Variants in ADGRL3 observed in about 807,000 individuals in gnomAD.
ADGRL3 encodes adhesion G protein-coupled receptor L3, also known as calcium-independent alpha-latrotoxin receptor 3.
A neutral mutation model predicts 153.5 loss-of-function variants in ADGRL3; 62 were observed. The observed-to-expected ratio is 0.40, with a 90% CI of 0.33 to 0.50. The LOEUF is 0.50. ADGRL3 is among the 20% of genes least tolerant of loss of function. ADGRL3 has a pLI of 0.47. For missense variants in ADGRL3, 1,641 were observed against 1,859.4 expected (o/e 0.88, Z 2.16); for synonymous variants, 710 against 672.5 (o/e 1.06, Z -0.86).
chr4:61,635,251 G>T (rs181385182), intron 5 of ADGRL3, among the ~76,000 whole-genome samples: 1 of 152,262 alleles, frequency 6.6e-6, no homozygotes, highest in African/African-American at 2.4e-5. Context: ...CACTTGCAGA[G>T]TGCTAAAGCC....
chr4:61,666,830 C>A (rs1331913017), intron 5 of ADGRL3, among the ~76,000 whole-genome samples: 1 of 152,056 alleles, frequency 6.6e-6, no homozygotes, highest in Non-Finnish European at 1.5e-5. Context: ...GAATATTCAG[C>A]AATAAAATGC....
chr4:61,729,247 C>T (rs960816797), intron 6 of ADGRL3, among the ~76,000 whole-genome samples: 8 of 151,814 alleles, frequency 5.3e-5, no homozygotes, highest in African/African-American at 1.4e-4. Context: ...TATTAATTAG[C>T]GAGATGAAGG....
intron 8 of ADGRL3, among the ~76,000 whole-genome samples, chr4:61,741,760 A>C (rs201791394): frequency 6.6e-6 from 1 of 152,248 alleles, no homozygotes; most frequent in African/African-American, 2.4e-5. Context: ...AGCTGAACCT[A>C]GTGTTTGTTA....
In ADGRL3 at chr4:62,070,832, T is replaced by G; in HGVS notation, c.4556T>G (p.Ile1519Arg). The G allele has an allele frequency of 6.4e-7, 1 of 1,551,718 alleles. No homozygotes were observed. The highest frequency in any genetic ancestry group is 8.7e-7 in the Non-Finnish European group (1 of 1,146,968). ...GGTCGCGGCAGCAGTGATGGATTTA[T>G]AGTTCCTCCAAACAAAGATGGGACC... is the stretch of plus-strand genomic sequence containing the variant. ...QLGRGSSDGF[I>R]VPPNKDGTPP... The change falls in exon 27 of 27, where the codon ATA becomes AGA. Residue 1519 changes from isoleucine (I) to arginine (R), a missense_variant. This residue lies in a region of ADGRL3 where 517 missense variants were observed against 555.0 expected (regional missense o/e 0.93). Coordinates refer to ENST00000683033, the MANE Select transcript of ADGRL3 (RefSeq NM_001387552.1).
chr4:62,062,772 C>T (rs553947091), intron 25 of ADGRL3, among the ~76,000 whole-genome samples: 18 of 151,858 alleles, frequency 1.2e-4, no homozygotes, highest in African/African-American at 3.6e-4. Flanking sequence ...AAATGGAAAA[C>T]GGAAAATGGA....
intron 9 of ADGRL3, among the ~76,000 whole-genome samples, chr4:61,826,637 G>C (rs1487021248): frequency 6.6e-6 from 1 of 152,054 alleles, no homozygotes; most frequent in African/African-American, 2.4e-5. Context: ...TAACTCTGAA[G>C]GGTTTTTACA....
At chr4:61,477,608 G>A (rs1006758915) in intron 2 of ADGRL3, among the ~76,000 whole-genome samples, 16 of 152,082 alleles carry the variant, frequency 1.1e-4, no homozygotes, top group Non-Finnish European at 1.9e-4. Flanking sequence ...TGGCTAATGT[G>A]GCCCAACAAT....
chr4:61,746,897 C>T (rs892860057), intron 8 of ADGRL3, among the ~76,000 whole-genome samples: 2 of 151,850 alleles, frequency 1.3e-5, no homozygotes, highest in African/African-American at 4.8e-5. Context: ...AAAAACCCTT[C>T]AAAAAATTAA....
intron 6 of ADGRL3, among the ~76,000 whole-genome samples, chr4:61,678,649 G>A (rs1042631232): frequency 4.6e-5 from 7 of 151,896 alleles, no homozygotes; most frequent in African/African-American, 1.7e-4. Flanking sequence ...TACATTTAGA[G>A]AGTTCTGATA....
chr4:61,401,860 T>C (rs940717006), intron 2 of ADGRL3, among the ~76,000 whole-genome samples: 7 of 152,030 alleles, frequency 4.6e-5, no homozygotes, highest in African/African-American at 1.7e-4. Context: ...GCTTTGAAGA[T>C]CAAACATCAT....
rs1735033427 is a variant in ADGRL3, at chr4:61,202,225, G to A, written c.-240+460G>A. ...CGGGAGCGGGCTGGAGGACGGACAGGGTCTGGGTGAGAAGCTGGGCTCTGG... is the reference window on the plus strand; with the variant it reads ...CGGGAGCGGGCTGGAGGACGGACAGAGTCTGGGTGAGAAGCTGGGCTCTGG... On this transcript the variant is annotated intron_variant, in intron 1 of 26. Coordinates refer to ENST00000683033, the MANE Select transcript of ADGRL3 (RefSeq NM_001387552.1). This position sits in a 1 kb window ranked among gnomAD's most constrained non-coding sequence, Gnocchi z 5.0. The A allele has an allele frequency of 6.5e-6, 1 of 153,022 alleles. No individual in the cohort carries two copies. Among genetic ancestry groups the A allele is most frequent in the Admixed American group, 6.5e-5 (1 of 15,284 alleles). 9.5% of individuals were successfully genotyped at this position (153,022 alleles called of 1,614,324 possible).
At chr4:61,297,865 C>G (rs769644353) in intron 1 of ADGRL3, among the ~76,000 whole-genome samples, 5 of 152,128 alleles carry the variant, frequency 3.3e-5, no homozygotes, top group Non-Finnish European at 4.4e-5. Context: ...ACCACTGCCA[C>G]TGCTACTACT....
At chr4:61,244,576 A>C (rs997424007) in intron 1 of ADGRL3, among the ~76,000 whole-genome samples, 1 of 151,946 alleles carries the variant, frequency 6.6e-6, no homozygotes, top group East Asian at 1.9e-4. Flanking sequence ...TGCAATGATA[A>C]ACTCATAAAA....
intron 6 of ADGRL3, among the ~76,000 whole-genome samples, chr4:61,712,062 G>C (rs1561106446): frequency 6.6e-6 from 1 of 152,100 alleles, no homozygotes. Context: ...TCCATACTCA[G>C]TTACATTCGC....
intron 8 of ADGRL3, among the ~76,000 whole-genome samples, chr4:61,808,415 C>T (rs1465645375): frequency 6.6e-6 from 1 of 152,066 alleles, no homozygotes; most frequent in Admixed American, 6.6e-5. Context: ...CTTTATGTTT[C>T]GGATAAGTCA....
At chr4:61,806,775 C>T (rs2097557442) in intron 8 of ADGRL3, among the ~76,000 whole-genome samples, 1 of 151,964 alleles carries the variant, frequency 6.6e-6, no homozygotes, top group African/African-American at 2.4e-5. Flanking sequence ...AATAAAATGT[C>T]ACAGAAAATG....
intron 1 of ADGRL3, among the ~76,000 whole-genome samples, chr4:61,362,363 T>C (rs1018212816): frequency 6.6e-5 from 10 of 151,348 alleles, no homozygotes; most frequent in African/African-American, 2.4e-4. Flanking sequence ...CACACATATA[T>C]ACACTTGACC....
chr4:61,727,284 G>A (rs1304846170), intron 6 of ADGRL3, among the ~76,000 whole-genome samples: 1 of 151,920 alleles, frequency 6.6e-6, no homozygotes, highest in East Asian at 1.9e-4. Flanking sequence ...CTAACCACAG[G>A]ATATAGCTTA....
intron 2 of ADGRL3, among the ~76,000 whole-genome samples, chr4:61,426,378 C>T (rs892425572): frequency 1.3e-5 from 2 of 152,136 alleles, no homozygotes; most frequent in Non-Finnish European, 1.5e-5. Context: ...TAGGCTGGAC[C>T]GCAACAGCAG....
Sources: gnomAD v4.1 joint callset for allele counts (sites outside exome capture counted in the v4.1 genomes callset) on GRCh38, gnomAD v4.1.1 for gene constraint, gnomAD v4.1.1 regional missense constraint, Gnocchi (gnomAD v3.1) non-coding constraint, MANE v1.5 for transcripts, NCBI Gene and HGNC (gene_info 2026-07-23, HGNC 2026-07-21) for gene names.